CBX3: variants seen among roughly 807,000 people sequenced by gnomAD.
CBX3 encodes the protein chromobox 3.
A neutral mutation model predicts 22.6 loss-of-function variants in CBX3; 5 were observed. That is an observed-to-expected ratio of 0.22 (90% CI 0.12 to 0.47). The LOEUF is 0.47. CBX3 is among the 20% of genes least tolerant of loss of function. CBX3 has a pLI of 0.99. For missense variants in CBX3, 83 were observed against 208.1 expected, an observed-to-expected ratio of 0.40 and a Z score of 3.70; for synonymous variants, 50 against 66.6, an observed-to-expected ratio of 0.75 and a Z score of 1.21.
chr7:26,202,192 C>T (rs975478839), intron 1 of CBX3: 18 of 151,850 alleles, frequency 1.2e-4, no homozygotes, highest in African/African-American at 3.9e-4. Flanking sequence ...CGGAGGGCGG[C>T]GCGTGGTCCC....
intron 5 of CBX3, 89 bp from the exon 6 acceptor site, chr7:26,211,993 T>G (rs1179264106): frequency 1.2e-5 from 14 of 1,213,312 alleles, no homozygotes; most frequent in Non-Finnish European, 1.6e-5. Flanking sequence ...CAATACCTTT[T>G]GTTTGGACTA....
At chr7:26,203,745 A>G (rs1006098363) in intron 2 of CBX3, among the ~76,000 whole-genome samples, 2 of 152,206 alleles carry the variant, frequency 1.3e-5, no homozygotes, top group Admixed American at 1.3e-4. Flanking sequence ...CGTAAAGGTG[A>G]ATGTTAATGT....
intron 4 of CBX3, among the ~76,000 whole-genome samples, chr7:26,208,917 CTTTTTTTTTTT>C (rs59657982): frequency 1.4e-4 from 4 of 27,942 alleles, no homozygotes; most frequent in Admixed American, 6.7e-4. Flanking sequence ...CACGCCTGGC[CTTTTTTTTTTT>C]TTTTTTTTTT....
At chr7:26,204,324 G>A (rs752110538) in intron 2 of CBX3, among the ~76,000 whole-genome samples, 1 of 151,864 alleles carries the variant, frequency 6.6e-6, no homozygotes, top group Non-Finnish European at 1.5e-5. Flanking sequence ...TGTGGCAGTA[G>A]CTGTTTTGTT....
rs530652812 is a variant in CBX3 at position 26,211,626 on chromosome 7, C to CTTTT, written c.331-35_331-34insTTTT. The CTTTT allele has an allele frequency of 9.8e-6, 13 of 1,323,882 alleles. No homozygotes were observed. The South Asian group carries it at 1.6e-4, about 17-fold the overall frequency. 82.0% of individuals were successfully genotyped at this position (1,323,882 alleles called of 1,614,324 possible). ...TACGCCATGAAAACAATTTAATACTCTGAGTTTGCTGTATGAAAAAATGTC... is the reference window on the plus strand; with the variant it reads ...TACGCCATGAAAACAATTTAATACTCTTTTTGAGTTTGCTGTATGAAAAAATGTC... On this transcript the variant is annotated intron_variant, in intron 4 of 5. Transcript: ENST00000396386.
chr7:26,203,065 G>GA, intron 2 of CBX3, 43 bp downstream of exon 2: 1 of 1,450,210 alleles, frequency 6.9e-7, no homozygotes, highest in African/African-American at 1.4e-5. Flanking sequence ...TTTAACTCAA[G>GA]TTTTTTTTCC....
intron 5 of CBX3, 48 bp from the exon 6 acceptor site, chr7:26,212,034 C>G: frequency 1.4e-6 from 2 of 1,454,896 alleles, no homozygotes; most frequent in Non-Finnish European, 9.1e-7. Context: ...TGTCGGTTGA[C>G]ATGAACAACT....
At chr7:26,210,850 C>T (rs1216747585) in intron 4 of CBX3, among the ~76,000 whole-genome samples, 1 of 152,024 alleles carries the variant, frequency 6.6e-6, no homozygotes, top group Non-Finnish European at 1.5e-5. Flanking sequence ...TATATGAAGA[C>T]AATCCAAAGT....
intron 3 of CBX3, 141 bp downstream of exon 3, chr7:26,206,651 T>A (rs1404751143): frequency 2.6e-6 from 2 of 774,938 alleles, no homozygotes; most frequent in Non-Finnish European, 4.3e-6. Flanking sequence ...GGTGTCTCAT[T>A]TGAGGTCTAT....
intron 1 of CBX3, chr7:26,202,721 C>T (rs890576307): frequency 1.3e-5 from 6 of 455,502 alleles, no homozygotes; most frequent in Non-Finnish European, 2.3e-5. Flanking sequence ...CATTGGTCCC[C>T]TATTTTAAGC....
In CBX3 at chr7:26,212,335, AAGT is replaced by A. The variant is rs1317835612; in HGVS notation, c.*130_*132del. On this transcript the variant is annotated 3_prime_UTR_variant, in exon 6 of 6. Transcript: ENST00000396386. ...ATCAAGTTTGATATGTTTGTTTTGA[AAGT>A]AGCGTTGGAAGAGTTGTTGGGGGTT... 1.7e-6 allele frequency: 1 copy of A among 590,260 alleles called. No individual in the cohort carries two copies. Among genetic ancestry groups the A allele is most frequent in the Non-Finnish European group, 2.3e-6 (1 of 427,210 alleles). 36.6% of individuals were successfully genotyped at this position (590,260 alleles called of 1,614,324 possible).
intron 2 of CBX3, among the ~76,000 whole-genome samples, chr7:26,204,572 T>C (rs1466108995): frequency 6.6e-6 from 1 of 152,222 alleles, no homozygotes; most frequent in African/African-American, 2.4e-5. Flanking sequence ...TGTGTGTATG[T>C]GTTACCTATA....
chr7:26,202,302 G>T (rs1562740424), intron 1 of CBX3: 1 of 152,166 alleles, frequency 6.6e-6, no homozygotes. Context: ...GCGGTGTGGC[G>T]CAGTGCCCTT....
chr7:26,206,252 G>A (rs1481652221), intron 2 of CBX3, 116 bp from the exon 3 acceptor site: 12 of 646,038 alleles, frequency 1.9e-5, no homozygotes, highest in Non-Finnish European at 2.6e-5. Context: ...GTCTGCCCTG[G>A]GATATAGAAG....
In CBX3 at chr7:26,201,749, G is replaced by C. The variant is rs1221287004; in HGVS notation, c.-106G>C. The C allele has an allele frequency of 4.0e-6, 1 of 249,442 alleles. No homozygotes were observed. Among genetic ancestry groups the C allele is most frequent in the Non-Finnish European group, 7.9e-6 (1 of 126,310 alleles). 15.5% of individuals were successfully genotyped at this position (249,442 alleles called of 1,614,324 possible). A position where few individuals can be genotyped will look rare whatever the true frequency, so the allele number is the denominator to read the frequency against. ...GCAGCTCCCGGCTCCCTCCCCCTTCGGATGTGGCTTGAGCTGTAGGCGCGG... is the reference window on the plus strand; with the variant it reads ...GCAGCTCCCGGCTCCCTCCCCCTTCCGATGTGGCTTGAGCTGTAGGCGCGG... On this transcript the variant is annotated 5_prime_UTR_variant, in exon 1 of 6. Transcript: ENST00000396386.
intron 3 of CBX3, 29 bp downstream of exon 3, chr7:26,206,539 A>G (rs1400052786): frequency 5.0e-6 from 8 of 1,603,618 alleles, no homozygotes; most frequent in Non-Finnish European, 6.8e-6. Flanking sequence ...TCTTTACTAT[A>G]TGTTTAACTG....
chr7:26,206,851 A>G (rs970047126), intron 3 of CBX3, among the ~76,000 whole-genome samples: 1 of 152,242 alleles, frequency 6.6e-6, no homozygotes, highest in African/African-American at 2.4e-5. Context: ...TGCTAAAAAC[A>G]TTGAAGCTTT....
chr7:26,202,836 C>A, intron 1 of CBX3, 135 bp from the exon 2 acceptor site: 1 of 696,776 alleles, frequency 1.4e-6, no homozygotes. Flanking sequence ...GGTAGGAGCG[C>A]AGATCTACTC....
intron 2 of CBX3, among the ~76,000 whole-genome samples, chr7:26,204,864 A>C (rs1173537947): frequency 1.3e-5 from 2 of 152,132 alleles, no homozygotes; most frequent in Non-Finnish European, 2.9e-5. Flanking sequence ...ATCTTGGCTC[A>C]CCGCAACTTA....
Sources: gnomAD v4.1 joint callset for allele counts (sites outside exome capture counted in the v4.1 genomes callset) on GRCh38, gnomAD v4.1.1 for gene constraint, MANE v1.5 for transcripts, NCBI Gene and HGNC (gene_info 2026-07-23, HGNC 2026-07-21) for gene names.